NCAM2: variants seen among roughly 807,000 people sequenced by gnomAD.
NCAM2 encodes the protein neural cell adhesion molecule 2.
Under a neutral mutation model 98.1 loss-of-function variants are expected in NCAM2, and 30 were observed. The ratio of observed to expected loss-of-function variants is 0.31; its 90% CI spans 0.23 to 0.41. The LOEUF (loss-of-function observed/expected upper bound fraction) is 0.41. NCAM2 is among the 10% of genes least tolerant of loss of function. The pLI, the probability that NCAM2 is intolerant of heterozygous loss-of-function variation, is 1.00. For synonymous variants in NCAM2, 368 were observed against 342.4 expected (o/e 1.07, Z -0.83); for missense variants, 867 against 1,005.8 (o/e 0.86, Z 1.87).
At chr21:21,209,416 G>A (rs937767938) in intron 1 of NCAM2, among the ~76,000 whole-genome samples, 12 of 152,090 alleles carry the variant, frequency 7.9e-5, no homozygotes, top group African/African-American at 2.9e-4. Flanking sequence ...GAAAGACTGG[G>A]TCTTGCTATG....
At chr21:21,063,417 C>G (rs1034835741) in intron 1 of NCAM2, among the ~76,000 whole-genome samples, 6 of 151,698 alleles carry the variant, frequency 4.0e-5, no homozygotes, top group South Asian at 2.1e-4. Flanking sequence ...GATGGAGTTT[C>G]ACCATGTTGG....
intron 1 of NCAM2, among the ~76,000 whole-genome samples, chr21:21,000,521 A>G (rs1260180473): frequency 1.3e-5 from 2 of 152,204 alleles, no homozygotes; most frequent in East Asian, 3.8e-4. Context: ...CATAGATGTG[A>G]AATTGTGATT....
chr21:21,013,937 C>A (rs753558410), intron 1 of NCAM2, among the ~76,000 whole-genome samples: 3 of 152,148 alleles, frequency 2.0e-5, no homozygotes, highest in Non-Finnish European at 1.5e-5. Context: ...TTGATGAAGG[C>A]AGGACTACAC....
In NCAM2 at chr21:20,998,550, G is replaced by T; in HGVS notation, c.-14G>T. The T allele has an allele frequency of 6.2e-7, 1 of 1,613,684 alleles. No individual in the cohort carries two copies. Reference sequence around the variant, plus strand: ...AATAACTTTGAAACTGTCCACCGGTGTCACGTCCTGAACATGAGCCTCCTC... The same window carrying T: ...AATAACTTTGAAACTGTCCACCGGTTTCACGTCCTGAACATGAGCCTCCTC... On this transcript the variant is annotated 5_prime_UTR_variant, in exon 1 of 18. Transcript: ENST00000400546.
At chr21:21,314,927 C>T (rs2074172729) in intron 5 of NCAM2, among the ~76,000 whole-genome samples, 1 of 152,172 alleles carries the variant, frequency 6.6e-6, no homozygotes, top group Non-Finnish European at 1.5e-5. Flanking sequence ...GATAATCCAA[C>T]ATGTGTCAGC....
intron 12 of NCAM2, among the ~76,000 whole-genome samples, chr21:21,451,637 G>A (rs1981083847): frequency 6.6e-6 from 1 of 152,096 alleles, no homozygotes; most frequent in Admixed American, 6.6e-5. Flanking sequence ...TGTGTAATAT[G>A]TGCTACTTCT....
chr21:21,366,005 A>G (rs1188492691), intron 8 of NCAM2, among the ~76,000 whole-genome samples: 1 of 151,984 alleles, frequency 6.6e-6, no homozygotes, highest in African/African-American at 2.4e-5. Context: ...ATATCCTTTG[A>G]CCTGAACTGT....
chr21:21,312,535 A>T (rs1268156151), intron 5 of NCAM2, among the ~76,000 whole-genome samples: 1 of 151,420 alleles, frequency 6.6e-6, no homozygotes, highest in South Asian at 2.1e-4. Context: ...CTGTTTGCTG[A>T]TAACAGTATT....
chr21:21,238,942 A>G (rs144589004), intron 1 of NCAM2, among the ~76,000 whole-genome samples: 2 of 152,246 alleles, frequency 1.3e-5, no homozygotes, highest in Admixed American at 1.3e-4. Context: ...ACAGCAGATA[A>G]TGGAAGCATT....
intron 1 of NCAM2, among the ~76,000 whole-genome samples, chr21:21,200,050 A>G (rs1369925651): frequency 6.6e-6 from 1 of 152,140 alleles, no homozygotes; most frequent in Non-Finnish European, 1.5e-5. Context: ...ATTCCAAGAA[A>G]GAAAATGTCT....
chr21:21,170,062 A>G (rs1240520111), intron 1 of NCAM2, among the ~76,000 whole-genome samples: 1 of 152,178 alleles, frequency 6.6e-6, no homozygotes, highest in East Asian at 1.9e-4. Flanking sequence ...ATACCACAGC[A>G]CCCTTATTAT....
At chr21:21,169,172 G>A (rs1160471915) in intron 1 of NCAM2, among the ~76,000 whole-genome samples, 1 of 152,064 alleles carries the variant, frequency 6.6e-6, no homozygotes, top group Non-Finnish European at 1.5e-5. Context: ...AAGGAGCAAA[G>A]GTAATATACT....
At chr21:21,262,851 C>T (rs925284139) in intron 1 of NCAM2, among the ~76,000 whole-genome samples, 1 of 151,938 alleles carries the variant, frequency 6.6e-6, no homozygotes, top group African/African-American at 2.4e-5. Context: ...AGTCAAGTCT[C>T]AGATGGCAGC....
chr21:21,195,122 T>C (rs549423541), intron 1 of NCAM2, among the ~76,000 whole-genome samples: 2 of 152,260 alleles, frequency 1.3e-5, no homozygotes, highest in South Asian at 2.1e-4. Context: ...TGAGGAAATA[T>C]AGGAATGGAG....
chr21:21,166,299 C>G (rs1349995275), intron 1 of NCAM2, among the ~76,000 whole-genome samples: 2 of 152,132 alleles, frequency 1.3e-5, no homozygotes, highest in Non-Finnish European at 2.9e-5. Context: ...CCTCCGCCTC[C>G]CAGGTTCAAG....
intron 5 of NCAM2, among the ~76,000 whole-genome samples, chr21:21,310,737 C>T (rs35366430): frequency 0.42 from 63,753 of 151,954 alleles, 14,657 homozygotes; most frequent in Non-Finnish European, 0.53. Flanking sequence ...TGAATTTTAA[C>T]GTATACATAG....
At chr21:21,345,985 G>C (rs1211193388) in intron 8 of NCAM2, among the ~76,000 whole-genome samples, 2 of 151,970 alleles carry the variant, frequency 1.3e-5, no homozygotes, top group Non-Finnish European at 2.9e-5. Context: ...AAAGAAGGAA[G>C]AGAAGACCAC....
At chr21:21,397,661 G>A (rs2076540362) in intron 9 of NCAM2, among the ~76,000 whole-genome samples, 1 of 152,192 alleles carries the variant, frequency 6.6e-6, no homozygotes, top group Admixed American at 6.5e-5. Context: ...CTCACCTCCT[G>A]AGAGCAGAGC....
At chr21:21,017,424 CAAAAAAA>C (rs11461275) in intron 1 of NCAM2, among the ~76,000 whole-genome samples, 5 of 58,778 alleles carry the variant, frequency 8.5e-5, no homozygotes, top group African/African-American at 3.1e-4. Flanking sequence ...GACTCTGTCT[CAAAAAAA>C]AAAAAAAAAA....
Sources: allele counts gnomAD v4.1 joint callset (sites outside exome capture counted in the v4.1 genomes callset), GRCh38; gene constraint gnomAD v4.1.1; transcripts MANE v1.5; gene names NCBI Gene and HGNC (gene_info 2026-07-23, HGNC 2026-07-21).